Variants in NUP98 observed in about 807,000 individuals in gnomAD.
The protein encoded by NUP98 is nucleoporin 98 and 96 precursor, also known as nuclear pore complex protein Nup98-Nup96.
NUP98 carries 26 observed loss-of-function variants against 191.9 expected under a neutral mutation model. That is an observed-to-expected ratio of 0.14 (90% CI 0.10 to 0.19). NUP98 has a LOEUF of 0.19. Ranked by LOEUF, NUP98 falls within the 10% of genes least tolerant of loss-of-function variation. The pLI, the probability that NUP98 is intolerant of heterozygous loss-of-function variation, is 1.00. For synonymous variants in NUP98, 808 were observed against 778.4 expected (o/e 1.04, Z -0.63); for missense variants, 1,941 against 2,178.8 (o/e 0.89, Z 2.17).
At chr11:3,762,101 G>A (rs1302696811) in intron 9 of NUP98, among the ~76,000 whole-genome samples, 1 of 152,054 alleles carries the variant, frequency 6.6e-6, no homozygotes, top group African/African-American at 2.4e-5. Flanking sequence ...ATGTTTTAGG[G>A]ACTTTGTGTT....
intron 30 of NUP98, among the ~76,000 whole-genome samples, chr11:3,681,272 G>C (rs144186851): frequency 2.6e-4 from 39 of 152,144 alleles, no homozygotes; most frequent in African/African-American, 9.2e-4. Flanking sequence ...AACTCCTGGG[G>C]CTCAAGCAAT....
chr11:3,778,276 G>A (rs903659089), intron 4 of NUP98, among the ~76,000 whole-genome samples: 2 of 151,818 alleles, frequency 1.3e-5, no homozygotes, highest in East Asian at 3.9e-4. Flanking sequence ...CTTGTGCCAG[G>A]AATGGAATCA....
intron 21 of NUP98, 71 bp downstream of exon 21, chr11:3,706,374 C>G (rs957637782): frequency 1.4e-6 from 2 of 1,414,912 alleles, no homozygotes; most frequent in South Asian, 1.2e-5. Context: ...AGGAAGAGAC[C>G]TGATCCTATG....
chr11:3,704,451 T>C (rs1052830600), intron 22 of NUP98, among the ~76,000 whole-genome samples: 7 of 152,208 alleles, frequency 4.6e-5, no homozygotes, highest in African/African-American at 1.7e-4. Flanking sequence ...AAAGTAGAAA[T>C]CTGATGTGCT....
chr11:3,706,557 T>G lies in NUP98; in HGVS notation c.2813A>C (p.Gln938Pro), dbSNP rs941268843. The change falls in exon 21 of 33, where the codon CAG becomes CCG. Residue 938 changes from glutamine (Q) to proline (P), a missense_variant. By Grantham distance (76) the Gln-to-Pro change is moderately conservative. Around this residue, in one of 6 missense-constraint regions of NUP98, gnomAD observed 1,030 missense variants for 1,115.8 expected, o/e 0.92. Transcript: ENST00000324932. Reference protein sequence around the residue: ...ELDSDMVDITQEPVLDTMLEE... With the variant: ...ELDSDMVDITPEPVLDTMLEE... ...TAACATGGTATCCAAAACTGGCTCC[T>G]GGGTGATATCTACCATGTCACTGTC... 2.8e-5 allele frequency: 46 copies of G among 1,614,072 alleles called. No homozygotes were observed. The highest frequency in any genetic ancestry group is 3.8e-5 in the Non-Finnish European group (45 of 1,180,040).
At chr11:3,766,361 G>A (rs934616752) in intron 8 of NUP98, among the ~76,000 whole-genome samples, 7 of 151,866 alleles carry the variant, frequency 4.6e-5, no homozygotes, top group Non-Finnish European at 4.4e-5. Context: ...TGACTGCAGC[G>A]AGGCCTGTCT....
rs542769793 is a variant in NUP98, at chr11:3,767,092, G to A, written c.948+1489C>T. On this transcript the variant is annotated intron_variant, in intron 8 of 32. Transcript: ENST00000324932. ...CAATTCTCCTGCCTCAGCCTCCTGCGTAGCTTGGATTAGTCACCCGCCACC... is the reference window on the plus strand; with the variant it reads ...CAATTCTCCTGCCTCAGCCTCCTGCATAGCTTGGATTAGTCACCCGCCACC... Among the ~76,000 whole-genome samples, 380 of 152,148 alleles carry A rather than the reference G, an allele frequency of 2.5e-3. 1 individual carries two copies. The highest frequency in any genetic ancestry group is 2.5e-3 in the Non-Finnish European group (169 of 68,008).
At chr11:3,781,209 AT>A (rs397825345) in intron 2 of NUP98, among the ~76,000 whole-genome samples, 3 of 149,328 alleles carry the variant, frequency 2.0e-5, no homozygotes, top group South Asian at 4.2e-4. Context: ...AAAAAAAAAA[AT>A]TTTCATCAAT....
chr11:3,730,138 G>A (rs1332112868), intron 14 of NUP98, among the ~76,000 whole-genome samples: 1 of 151,812 alleles, frequency 6.6e-6, no homozygotes, highest in Non-Finnish European at 1.5e-5. Flanking sequence ...GGGAAGCTGA[G>A]GAAGAAGAAT....
At chr11:3,763,845 C>T (rs2081254467) in intron 8 of NUP98, among the ~76,000 whole-genome samples, 1 of 152,176 alleles carries the variant, frequency 6.6e-6, no homozygotes, top group African/African-American at 2.4e-5. Flanking sequence ...AGCCAAAAGC[C>T]TTAATTCTAA....
chr11:3,775,918 A>G lies in NUP98; in HGVS notation c.459T>C (p.Phe153=). ...TAGTAGTCCCAGTAGGAGCAGCTGTAAAACTACTTGGCCCAAAGAGGGAGC... is the reference window on the plus strand; with the variant it reads ...TAGTAGTCCCAGTAGGAGCAGCTGTGAAACTACTTGGCCCAAAGAGGGAGC... ...TSGSLFGPSS[F]TAAPTGTTIK... The change falls in exon 5 of 33, where the codon TTT becomes TTC. Residue 153 remains phenylalanine, a synonymous_variant. Transcript: ENST00000324932. 1 of 1,613,944 alleles carries G rather than the reference A, an allele frequency of 6.2e-7. No homozygotes were observed. Among genetic ancestry groups the G allele is most frequent in the African/African-American group, 1.3e-5 (1 of 75,046 alleles).
chr11:3,781,723 C>T (rs980596190), intron 2 of NUP98, among the ~76,000 whole-genome samples: 4 of 151,826 alleles, frequency 2.6e-5, no homozygotes, highest in Non-Finnish European at 5.9e-5. Flanking sequence ...TTCATAACTG[C>T]ATTTTAGACT....
At position 3,686,131 on chromosome 11, in the gene NUP98, G is replaced by A. The variant is rs757706694; in HGVS notation, c.4518C>T (p.Arg1506=). Residue 1506 remains arginine (R), a synonymous_variant, in exon 29 of 33, where the codon CGC becomes CGT. Transcript: ENST00000324932. ...GCACTTCCCACAAGTGCCAGCTTAGGCGGTAGTCCAAAGGATCTGCTGTTA... is the reference window on the plus strand; with the variant it reads ...GCACTTCCCACAAGTGCCAGCTTAGACGGTAGTCCAAAGGATCTGCTGTTA... ...RSITADPLDY[R]LSWHLWEVLR... is the part of the protein sequence containing the mutation. The A allele has an allele frequency of 1.4e-5, 22 of 1,614,094 alleles. No individual in the cohort carries two copies. Among genetic ancestry groups the A allele is most frequent in the Non-Finnish European group, 2.5e-6 (3 of 1,180,050 alleles).
chr11:3,778,841 T>C (rs2081846906), intron 4 of NUP98, 32 bp downstream of exon 4: 1 of 1,592,320 alleles, frequency 6.3e-7, no homozygotes, highest in Non-Finnish European at 8.6e-7. Flanking sequence ...ACCAAATTAT[T>C]AGATGCAGAA....
At chr11:3,743,037 G>C (rs2080342995) in intron 12 of NUP98, among the ~76,000 whole-genome samples, 1 of 150,816 alleles carries the variant, frequency 6.6e-6, no homozygotes, top group South Asian at 2.1e-4. Context: ...TTTTTTTGTT[G>C]AGACGGACTC....
intron 25 of NUP98, 138 bp downstream of exon 25, chr11:3,698,944 A>G: frequency 2.2e-6 from 2 of 922,908 alleles, no homozygotes; most frequent in South Asian, 3.2e-5. Context: ...CACGGGAACC[A>G]GCAATCTTTC....
At position 3,752,530 on chromosome 11, in the gene NUP98, T is replaced by TA. The variant is rs779252613; in HGVS notation, c.1267+785dup. 6.9e-4 allele frequency among the ~76,000 whole-genome samples: 100 copies of TA among 143,918 alleles called. No individual in the cohort carries two copies. The Middle Eastern group carries it at 0.014, about 20-fold the overall frequency. The allele number at this position is 143,918 out of a possible 152,430, so 94.4% of individuals were successfully genotyped here. ...AGACTCCATCTCCAAAATAAATAAA[T>TA]AAATAAATAAATAAATAAAAAAGAA... is the stretch of plus-strand genomic sequence containing the variant. On this transcript the variant is annotated intron_variant, in intron 11 of 32. Coordinates refer to ENST00000324932, the MANE Select transcript of NUP98 (RefSeq NM_016320.5).
intron 1 of NUP98, among the ~76,000 whole-genome samples, chr11:3,792,849 T>G (rs2082401795): frequency 6.6e-6 from 1 of 152,122 alleles, no homozygotes; most frequent in Admixed American, 6.5e-5. Flanking sequence ...CCGGGCACGG[T>G]GGCTCACGTC....
chr11:3,742,020 T>C (rs149188682), intron 12 of NUP98, among the ~76,000 whole-genome samples: 5 of 152,306 alleles, frequency 3.3e-5, no homozygotes, highest in East Asian at 1.9e-4. Context: ...AAAAACCCTA[T>C]ATGCAGGACA....
Sources: allele counts gnomAD v4.1 joint callset (sites outside exome capture counted in the v4.1 genomes callset), GRCh38; gene constraint gnomAD v4.1.1; regional missense constraint gnomAD v4.1.1; transcripts MANE v1.5; gene names NCBI Gene and HGNC (gene_info 2026-07-23, HGNC 2026-07-21).